The following TNMD variants were observed in gnomAD, a reference collection of about 807,000 sequenced individuals.
The protein encoded by TNMD is BRICHOS domain containing 4.
TNMD carries 15 observed loss-of-function variants against 26.9 expected under a neutral mutation model. The ratio of observed to expected loss-of-function variants is 0.56; its 90% CI spans 0.37 to 0.86. The LOEUF (loss-of-function observed/expected upper bound fraction) is 0.86. TNMD is among the 40% of genes least tolerant of loss of function. The pLI is 0.00. For missense variants in TNMD, 222 were observed against 242.6 expected (o/e 0.92, Z 0.56); for synonymous variants, 73 against 77.0 (o/e 0.95, Z 0.27).
rs2073163 is a variant in TNMD, at chrX:100,594,054, T to C, written c.321+19T>C. ...TAAAAACGTAAGTTGGATGTTTTCC[T>C]CCTAAGGCTTTCCACTTAAAATATT... On this transcript the variant is annotated intron_variant, in intron 3 of 6. Transcript: ENST00000373031. 450,243 of 1,194,498 alleles carry C rather than the reference T, an allele frequency of 0.38. 58,885 individuals carry two copies. The highest frequency in any genetic ancestry group is 0.65 in the East Asian group (21,716 of 33,408).
intron 6 of TNMD, 112 bp downstream of exon 6, chrX:100,599,294 A>C (rs886102449): frequency 4.6e-5 from 22 of 482,712 alleles, no homozygotes; most frequent in African/African-American, 1.4e-4. Flanking sequence ...GCTTTAACAA[A>C]AAAAAAAAAA....
At chrX:100,593,585 G>T in intron 2 of TNMD, 2 of 171,163 alleles carry the variant, frequency 1.2e-5, no homozygotes. Context: ...GGGGCAGTAA[G>T]GGGGGGGTCG....
chrX:100,590,704 T>G (rs774390881), intron 2 of TNMD, among the ~76,000 whole-genome samples: 2 of 111,846 alleles, frequency 1.8e-5, no homozygotes, highest in South Asian at 7.6e-4. Context: ...CCTTGTTCCA[T>G]TCCAGTGTTC....
intron 5 of TNMD, among the ~76,000 whole-genome samples, chrX:100,598,675 C>G (rs1307228196): frequency 8.9e-6 from 1 of 112,122 alleles, no homozygotes; most frequent in Non-Finnish European, 1.9e-5. Flanking sequence ...TTCAGGCAAC[C>G]AAGAAATATT....
At position 100,594,286 on chromosome X, in the gene TNMD, G is replaced by A. The variant is rs1412493817; in HGVS notation, c.347G>A (p.Gly116Asp). The A allele has an allele frequency of 8.3e-7, 1 of 1,199,857 alleles. No individual in the cohort carries two copies. Among genetic ancestry groups the A allele is most frequent in the South Asian group, 1.8e-5 (1 of 54,664 alleles). ...KNGYTGIYFV[G>D]LQKCFIKTQI... is the part of the protein sequence containing the mutation. ...GGATACACTGGCATCTACTTCGTGG[G>A]TCTTCAAAAATGTTTTATCAAAACT... is the stretch of plus-strand genomic sequence containing the variant. The change falls in exon 4 of 7, where the codon GGT (glycine) becomes GAT (aspartate). Residue 116 changes from glycine to aspartate, a missense_variant. Coordinates refer to ENST00000373031, the MANE Select transcript of TNMD (RefSeq NM_022144.3).
chrX:100,594,041 T>G lies in TNMD; in HGVS notation c.321+6T>G. 8.3e-7 allele frequency: 1 copy of G among 1,206,382 alleles called. No homozygotes were observed. The highest frequency in any genetic ancestry group is 1.1e-6 in the Non-Finnish European group (1 of 892,338). On this transcript the variant is annotated splice_donor_region_variant and intron_variant, in intron 3 of 6. Transcript: ENST00000373031. Reference sequence around the variant, plus strand: ...AAGTGCACGACTTTAAAAACGTAAGTTGGATGTTTTCCTCCTAAGGCTTTC... The same window carrying G: ...AAGTGCACGACTTTAAAAACGTAAGGTGGATGTTTTCCTCCTAAGGCTTTC...
At chrX:100,593,590 G>A (rs1013064403) in intron 2 of TNMD, 9 of 182,904 alleles carry the variant, frequency 4.9e-5, no homozygotes, top group Admixed American at 8.1e-5. Context: ...AGTAAGGGGG[G>A]GGTCGTGATT....
chrX:100,593,475 T>C, intron 2 of TNMD: 1 of 531,758 alleles, frequency 1.9e-6, no homozygotes, highest in Non-Finnish European at 2.3e-6. Flanking sequence ...GTTGTGGCAA[T>C]ATTAAAGCCC....
intron 2 of TNMD, among the ~76,000 whole-genome samples, chrX:100,585,699 G>T (rs1421817377): frequency 8.9e-6 from 1 of 111,839 alleles, no homozygotes; most frequent in African/African-American, 3.2e-5. Flanking sequence ...TCAATTATCT[G>T]GGCAGAAACT....
intron 2 of TNMD, chrX:100,593,226 G>T: frequency 2.3e-6 from 1 of 440,694 alleles, no homozygotes; most frequent in Non-Finnish European, 2.8e-6. Context: ...TGGCTCAGTT[G>T]GCTTAATTCC....
At chrX:100,594,746 G>A (rs12688267) in intron 4 of TNMD, among the ~76,000 whole-genome samples, 3 of 111,990 alleles carry the variant, frequency 2.7e-5, no homozygotes, top group Admixed American at 1.9e-4. Context: ...CAGATAAAGC[G>A]TTTTTAAAAA....
intron 2 of TNMD, among the ~76,000 whole-genome samples, chrX:100,588,196 C>T (rs2082927345): frequency 9.0e-6 from 1 of 111,539 alleles, no homozygotes; most frequent in Non-Finnish European, 1.9e-5. Context: ...ACAAAAGATC[C>T]AGATTCCTGT....
Position 100,585,007 on chromosome X carries a change from T to G in TNMD, c.-12T>G, listed in dbSNP as rs758728379. 2.0e-5 allele frequency: 24 copies of G among 1,206,745 alleles called. No homozygotes were observed. Among genetic ancestry groups the G allele is most frequent in the Non-Finnish European group, 2.5e-5 (22 of 892,954 alleles). On this transcript the variant is annotated 5_prime_UTR_variant, in exon 1 of 7. Coordinates refer to ENST00000373031, the MANE Select transcript of TNMD (RefSeq NM_022144.3). ...CTCAAAGCAAGGAAAGAGTACTGTG[T>G]GCTGAGAGACCATGGCAAAGAATCC...
chrX:100,595,288 CTTT>C (rs1055127376), intron 4 of TNMD, among the ~76,000 whole-genome samples: 35 of 110,417 alleles, frequency 3.2e-4, no homozygotes, highest in African/African-American at 1.1e-3. Flanking sequence ...TCTTCTTCTT[CTTT>C]GTATTTTTAG....
At chrX:100,586,433 G>A (rs1290317604) in intron 2 of TNMD, among the ~76,000 whole-genome samples, 1 of 111,458 alleles carries the variant, frequency 9.0e-6, no homozygotes, top group Admixed American at 9.5e-5. Flanking sequence ...GGAGCAGAGA[G>A]AAAAAAATAT....
At chrX:100,598,751 T>A (rs986885824) in intron 5 of TNMD, among the ~76,000 whole-genome samples, 3 of 112,330 alleles carry the variant, frequency 2.7e-5, no homozygotes, top group African/African-American at 9.7e-5. Flanking sequence ...TCCTCAGTTT[T>A]TAATTTAGTG....
chrX:100,588,512 A>G (rs1309353434), intron 2 of TNMD, among the ~76,000 whole-genome samples: 1 of 111,086 alleles, frequency 9.0e-6, no homozygotes, highest in African/African-American at 3.3e-5. Flanking sequence ...GAAGAGACCT[A>G]TTCAGTCCCA....
At chrX:100,589,583 T>C (rs1318095504) in intron 2 of TNMD, among the ~76,000 whole-genome samples, 1 of 110,597 alleles carries the variant, frequency 9.0e-6, no homozygotes, top group Non-Finnish European at 1.9e-5. Flanking sequence ...ACAACTTATA[T>C]GACACCAGGA....
chrX:100,595,357 C>T (rs961670587), intron 4 of TNMD, among the ~76,000 whole-genome samples: 6 of 110,667 alleles, frequency 5.4e-5, no homozygotes, highest in African/African-American at 2.0e-4. Context: ...CCTCATGATC[C>T]GCCCGCCTAG....
Sources: allele counts gnomAD v4.1 joint callset (sites outside exome capture counted in the v4.1 genomes callset), GRCh38; gene constraint gnomAD v4.1.1; transcripts MANE v1.5; gene names NCBI Gene and HGNC (gene_info 2026-07-23, HGNC 2026-07-21).